The following MYO1D variants were observed in gnomAD, a reference collection of about 807,000 sequenced individuals.
The protein encoded by MYO1D is unconventional myosin-Id.
In MYO1D, 83 loss-of-function variants were observed where a neutral mutation model predicts 122.0. The ratio of observed to expected loss-of-function variants is 0.68; its 90% CI spans 0.57 to 0.82. MYO1D has a LOEUF of 0.82. Among genes scored for constraint, MYO1D ranks in the 40% least tolerant of loss-of-function variants. MYO1D has a pLI of 0.00. For missense variants in MYO1D, 1,157 were observed against 1,269.5 expected, an observed-to-expected ratio of 0.91 and a Z score of 1.35; for synonymous variants, 464 against 446.9, an observed-to-expected ratio of 1.04 and a Z score of -0.48.
intron 21 of MYO1D, among the ~76,000 whole-genome samples, chr17:32,539,655 CTTTTA>C (rs1910779177): frequency 6.6e-6 from 1 of 152,150 alleles, no homozygotes; most frequent in Non-Finnish European, 1.5e-5. Flanking sequence ...CTCTACCTTT[CTTTTA>C]TAAGGATTTA....
intron 16 of MYO1D, among the ~76,000 whole-genome samples, chr17:32,704,350 C>A (rs2089281973): frequency 6.6e-6 from 1 of 152,088 alleles, no homozygotes; most frequent in Admixed American, 6.6e-5. Flanking sequence ...ACACATTTTT[C>A]AATATTCAGA....
intron 18 of MYO1D, 64 bp downstream of exon 18, chr17:32,654,413 T>TA: frequency 6.7e-7 from 1 of 1,497,558 alleles, no homozygotes; most frequent in Non-Finnish European, 9.0e-7. Flanking sequence ...TCTTTGGAGA[T>TA]ATGTACTTCT....
At chr17:32,798,255 G>GGCT (rs144387571) in intron 1 of MYO1D, among the ~76,000 whole-genome samples, 1,928 of 152,160 alleles carry the variant, frequency 0.013, 48 homozygotes, top group African/African-American at 0.044. Context: ...ATTAATGAAG[G>GGCT]GCCAGACACC....
chr17:32,728,870 T>C (rs1331337522), intron 14 of MYO1D, among the ~76,000 whole-genome samples: 1 of 152,160 alleles, frequency 6.6e-6, no homozygotes, highest in Non-Finnish European at 1.5e-5. Context: ...GCATAGGAAG[T>C]GGCAATATTG....
chr17:32,841,067 A>G (rs1009894200), intron 1 of MYO1D, among the ~76,000 whole-genome samples: 12 of 152,238 alleles, frequency 7.9e-5, no homozygotes, highest in African/African-American at 2.9e-4. Context: ...TGTTCTAAAC[A>G]TGTTCAAGGT....
chr17:32,849,895 A>G (rs1025996623), intron 1 of MYO1D, among the ~76,000 whole-genome samples: 1 of 152,228 alleles, frequency 6.6e-6, no homozygotes, highest in Non-Finnish European at 1.5e-5. Flanking sequence ...TCCCTTCTAC[A>G]GTTTAAAACA....
intron 19 of MYO1D, among the ~76,000 whole-genome samples, chr17:32,651,754 C>T (rs1324698108): frequency 1.3e-5 from 2 of 150,440 alleles, no homozygotes; most frequent in Non-Finnish European, 2.9e-5. Flanking sequence ...CGGCTCACTG[C>T]AACCTCTGCT....
chr17:32,532,666 G>C (rs1156236639), intron 21 of MYO1D, among the ~76,000 whole-genome samples: 3 of 147,964 alleles, frequency 2.0e-5, no homozygotes, highest in Non-Finnish European at 4.4e-5. Context: ...GCGGAGCTTG[G>C]AGTAAGCCGA....
chr17:32,788,652 T>C (rs757412847), intron 1 of MYO1D, among the ~76,000 whole-genome samples: 3 of 152,228 alleles, frequency 2.0e-5, no homozygotes, highest in Admixed American at 1.3e-4. Flanking sequence ...TTGGTAACTA[T>C]AGCCTTACAG....
intron 1 of MYO1D, among the ~76,000 whole-genome samples, chr17:32,795,988 G>A (rs200917509): frequency 1.8e-4 from 27 of 152,148 alleles, no homozygotes; most frequent in East Asian, 7.7e-4. Flanking sequence ...CTCGGGGTTC[G>A]AACCGATACA....
At chr17:32,610,575 T>C (rs2087687792) in intron 20 of MYO1D, among the ~76,000 whole-genome samples, 1 of 152,188 alleles carries the variant, frequency 6.6e-6, no homozygotes, top group Non-Finnish European at 1.5e-5. Flanking sequence ...TTGGGGCATC[T>C]GTCTCCTTTT....
intron 7 of MYO1D, 130 bp from the exon 8 acceptor site, chr17:32,765,211 T>C (rs1237945292): frequency 1.6e-5 from 11 of 697,116 alleles, no homozygotes; most frequent in Admixed American, 5.5e-5. Flanking sequence ...TCTCAACATA[T>C]AAAAACAGTG....
chr17:32,519,505 G>A (rs1910032292), intron 21 of MYO1D, among the ~76,000 whole-genome samples: 2 of 151,978 alleles, frequency 1.3e-5, no homozygotes, highest in South Asian at 4.1e-4. Context: ...GCGGCTTCGA[G>A]CGCGACGCGG....
chr17:32,571,502 C>T (rs1027247543), intron 21 of MYO1D, among the ~76,000 whole-genome samples: 10 of 152,006 alleles, frequency 6.6e-5, no homozygotes, highest in East Asian at 1.9e-4. Context: ...CTGGTGGGGT[C>T]GCGTTGATAA....
intron 21 of MYO1D, among the ~76,000 whole-genome samples, chr17:32,590,246 A>C (rs368844660): frequency 1.7e-4 from 26 of 152,252 alleles, no homozygotes; most frequent in African/African-American, 6.3e-4. Flanking sequence ...CAAATGTACC[A>C]GCTCCACCAA....
chr17:32,586,025 A>G (rs950161614), intron 21 of MYO1D, among the ~76,000 whole-genome samples: 5 of 152,194 alleles, frequency 3.3e-5, no homozygotes, highest in African/African-American at 9.7e-5. Flanking sequence ...TAAAGGAAGC[A>G]ATTGCTATTA....
chr17:32,500,206 C>T (rs1909271204), intron 21 of MYO1D, among the ~76,000 whole-genome samples: 1 of 152,210 alleles, frequency 6.6e-6, no homozygotes, highest in African/African-American at 2.4e-5. Context: ...CTGCAGGCCT[C>T]AGTCCATCTG....
intron 1 of MYO1D, among the ~76,000 whole-genome samples, chr17:32,874,664 T>C (rs554369550): frequency 2.6e-5 from 4 of 152,296 alleles, no homozygotes; most frequent in Admixed American, 1.3e-4. Context: ...GGCTCACACC[T>C]ATAATCCTAG....
intron 16 of MYO1D, among the ~76,000 whole-genome samples, chr17:32,664,775 C>T (rs571162394): frequency 2.6e-5 from 4 of 152,334 alleles, no homozygotes; most frequent in African/African-American, 9.6e-5. Flanking sequence ...GCGTTGCACA[C>T]ATCCTTGCAA....
Sources: gnomAD v4.1 joint callset for allele counts (sites outside exome capture counted in the v4.1 genomes callset) on GRCh38, gnomAD v4.1.1 for gene constraint, MANE v1.5 for transcripts, NCBI Gene and HGNC (gene_info 2026-07-23, HGNC 2026-07-21) for gene names.